Variants in PHACTR3 observed in about 807,000 individuals in gnomAD.
The protein encoded by PHACTR3 is protein phosphatase 1, regulatory subunit 123.
A neutral mutation model predicts 66.8 loss-of-function variants in PHACTR3; 16 were observed. The ratio of observed to expected loss-of-function variants is 0.24; its 90% CI spans 0.16 to 0.36. The LOEUF (loss-of-function observed/expected upper bound fraction) is 0.36. Ranked by LOEUF, PHACTR3 falls within the 10% of genes least tolerant of loss-of-function variation. PHACTR3 has a pLI of 1.00. For synonymous variants in PHACTR3, 323 were observed against 292.1 expected, an observed-to-expected ratio of 1.11 and a Z score of -1.08; for missense variants, 647 against 719.9, an observed-to-expected ratio of 0.90 and a Z score of 1.16.
At chr20:59,707,736 G>A (rs1462769667) in intron 1 of PHACTR3, among the ~76,000 whole-genome samples, 1 of 152,070 alleles carries the variant, frequency 6.6e-6, no homozygotes, top group Non-Finnish European at 1.5e-5. Flanking sequence ...AAAGTGCTGG[G>A]ATTACAGGCG....
At chr20:59,819,739 C>G (rs1568853630) in intron 8 of PHACTR3, among the ~76,000 whole-genome samples, 1 of 151,500 alleles carries the variant, frequency 6.6e-6, no homozygotes, top group Non-Finnish European at 1.5e-5. Flanking sequence ...AACTGAGGCA[C>G]CTGATTGGGC....
intron 1 of PHACTR3, among the ~76,000 whole-genome samples, chr20:59,592,808 A>G (rs540837932): frequency 1.3e-5 from 2 of 151,822 alleles, no homozygotes; most frequent in East Asian, 2.0e-4. Flanking sequence ...TTTCCTCCAT[A>G]TAATTTCTTG....
At chr20:59,727,930 G>C (rs572939053) in intron 1 of PHACTR3, among the ~76,000 whole-genome samples, 1 of 152,170 alleles carries the variant, frequency 6.6e-6, no homozygotes. Flanking sequence ...ATGATTGCGT[G>C]GAATGAGACA....
intron 8 of PHACTR3, among the ~76,000 whole-genome samples, chr20:59,828,995 G>C (rs1427683024): frequency 6.6e-6 from 1 of 151,996 alleles, no homozygotes; most frequent in Non-Finnish European, 1.5e-5. Flanking sequence ...AGCAGACTTG[G>C]AGCTTCCTGG....
intron 1 of PHACTR3, among the ~76,000 whole-genome samples, chr20:59,686,108 G>A (rs1257442255): frequency 6.6e-6 from 1 of 152,148 alleles, no homozygotes; most frequent in African/African-American, 2.4e-5. Context: ...TTTATAAGGT[G>A]CCCACCTTAA....
intron 3 of PHACTR3, 57 bp from the exon 4 acceptor site, chr20:59,755,125 C>T (rs556206067): frequency 1.6e-5 from 24 of 1,546,468 alleles, no homozygotes; most frequent in Middle Eastern, 1.7e-4. Flanking sequence ...CTTGGGACGA[C>T]GGAAGGGATG....
At chr20:59,751,283 G>A (rs1244708891) in intron 3 of PHACTR3, among the ~76,000 whole-genome samples, 1 of 152,132 alleles carries the variant, frequency 6.6e-6, no homozygotes, top group African/African-American at 2.4e-5. Context: ...GCCCTCCTGT[G>A]GCCGGCCAGG....
At chr20:59,615,409 G>A (rs1428928787) in intron 1 of PHACTR3, among the ~76,000 whole-genome samples, 1 of 152,184 alleles carries the variant, frequency 6.6e-6, no homozygotes, top group Non-Finnish European at 1.5e-5. Flanking sequence ...ATGCAAAGGG[G>A]CATCGTGCAT....
At chr20:59,805,678 G>A (rs1165468380) in intron 7 of PHACTR3, among the ~76,000 whole-genome samples, 1 of 152,166 alleles carries the variant, frequency 6.6e-6, no homozygotes, top group African/African-American at 2.4e-5. Context: ...GGGGGCAGTG[G>A]CCACCATGGG....
At chr20:59,761,576 T>G (rs1039929627) in intron 4 of PHACTR3, among the ~76,000 whole-genome samples, 3 of 151,982 alleles carry the variant, frequency 2.0e-5, no homozygotes, top group Non-Finnish European at 4.4e-5. Context: ...CAGGGCAGAG[T>G]TTTTCCTCTT....
intron 1 of PHACTR3, among the ~76,000 whole-genome samples, chr20:59,708,523 C>G (rs933239910): frequency 1.3e-5 from 2 of 152,162 alleles, no homozygotes; most frequent in African/African-American, 4.8e-5. Context: ...CTGGGTTCTA[C>G]AGGTGGGGAT....
At chr20:59,828,377 G>A (rs1193980648) in intron 8 of PHACTR3, among the ~76,000 whole-genome samples, 1 of 152,226 alleles carries the variant, frequency 6.6e-6, no homozygotes, top group Non-Finnish European at 1.5e-5. Flanking sequence ...TGTAGCGGCA[G>A]CATTGGCATT....
chr20:59,706,036 G>A (rs1160389268), intron 1 of PHACTR3, among the ~76,000 whole-genome samples: 3 of 152,170 alleles, frequency 2.0e-5, no homozygotes, highest in Non-Finnish European at 4.4e-5. Flanking sequence ...AAGTCAGCAG[G>A]TGACCTTCCA....
intron 1 of PHACTR3, among the ~76,000 whole-genome samples, chr20:59,666,288 G>C (rs2035982652): frequency 6.6e-6 from 1 of 152,198 alleles, no homozygotes; most frequent in Admixed American, 6.5e-5. Flanking sequence ...CTCTATGCAA[G>C]CCACGGCCCC....
chr20:59,845,508 T>C (rs1282635117), intron 12 of PHACTR3, among the ~76,000 whole-genome samples: 1 of 152,182 alleles, frequency 6.6e-6, no homozygotes, highest in Non-Finnish European at 1.5e-5. Context: ...TTAATGCATA[T>C]TTAACAAAAA....
chr20:59,703,908 C>A (rs1027012535), intron 1 of PHACTR3, among the ~76,000 whole-genome samples: 1 of 152,164 alleles, frequency 6.6e-6, no homozygotes, highest in Non-Finnish European at 1.5e-5. Context: ...GTCCCTCCAG[C>A]AATTTCTCAT....
At chr20:59,611,469 G>C (rs780629366) in intron 1 of PHACTR3, among the ~76,000 whole-genome samples, 7 of 152,252 alleles carry the variant, frequency 4.6e-5, no homozygotes, top group Non-Finnish European at 7.3e-5. Context: ...GTGAGTTAGA[G>C]CAGGACTGAT....
intron 1 of PHACTR3, among the ~76,000 whole-genome samples, chr20:59,578,046 G>A (rs2032764027): frequency 6.6e-6 from 1 of 152,258 alleles, no homozygotes; most frequent in Non-Finnish European, 1.5e-5. Context: ...CCAAGGGAGG[G>A]CTCTGTGCTT....
intron 1 of PHACTR3, among the ~76,000 whole-genome samples, chr20:59,667,332 C>G (rs1464417276): frequency 6.6e-6 from 1 of 152,092 alleles, no homozygotes; most frequent in Non-Finnish European, 1.5e-5. Context: ...GTATAAGCAG[C>G]AGGCCCTGCC....
Sources: allele counts gnomAD v4.1 joint callset (sites outside exome capture counted in the v4.1 genomes callset), GRCh38; gene constraint gnomAD v4.1.1; transcripts MANE v1.5; gene names NCBI Gene and HGNC (gene_info 2026-07-23, HGNC 2026-07-21).